ASAP1: variants seen among roughly 807,000 people sequenced by gnomAD.
ASAP1 encodes arf-GAP with SH3 domain, ANK repeat and PH domain-containing protein 1.
Under a neutral mutation model 145.2 loss-of-function variants are expected in ASAP1, and 43 were observed. That is an observed-to-expected ratio of 0.30 (90% CI 0.23 to 0.38). The LOEUF (loss-of-function observed/expected upper bound fraction) is 0.38. Ranked by LOEUF, ASAP1 falls within the 10% of genes least tolerant of loss-of-function variation. The probability of loss-of-function intolerance (pLI) is 1.00; values close to 1 mark genes in which losing one functional copy is unlikely to be tolerated. For missense variants in ASAP1, 1,018 were observed against 1,355.3 expected (o/e 0.75, Z 3.91); for synonymous variants, 546 against 515.5 (o/e 1.06, Z -0.80).
At chr8:130,119,903 TAACACAAAGGACATA>T (rs2097562832) in intron 18 of ASAP1, among the ~76,000 whole-genome samples, 1 of 152,196 alleles carries the variant, frequency 6.6e-6, no homozygotes, top group Non-Finnish European at 1.5e-5. Context: ...GAGAGGGCTC[TAACACAAAGGACATA>T]AACTTTCTTG....
intron 3 of ASAP1, among the ~76,000 whole-genome samples, chr8:130,283,612 A>G (rs991881348): frequency 5.6e-4 from 82 of 147,456 alleles, no homozygotes; most frequent in African/African-American, 1.7e-3. Flanking sequence ...AAAAAAAAAA[A>G]AAGAAGGCAG....
At chr8:130,277,261 C>G (rs1820969003) in intron 3 of ASAP1, among the ~76,000 whole-genome samples, 1 of 152,104 alleles carries the variant, frequency 6.6e-6, no homozygotes, top group Non-Finnish European at 1.5e-5. Context: ...TCCAGTCTGG[C>G]CATTCACCTA....
intron 3 of ASAP1, among the ~76,000 whole-genome samples, chr8:130,321,401 G>A (rs1354178669): frequency 6.6e-6 from 1 of 152,102 alleles, no homozygotes; most frequent in Non-Finnish European, 1.5e-5. Flanking sequence ...AAGCAGGCAT[G>A]TGAGGGTCAA....
chr8:130,313,755 T>G (rs1823498892), intron 3 of ASAP1, among the ~76,000 whole-genome samples: 1 of 152,220 alleles, frequency 6.6e-6, no homozygotes, highest in African/African-American at 2.4e-5. Context: ...ATGATCCACA[T>G]TCTGCATGAA....
intron 24 of ASAP1, among the ~76,000 whole-genome samples, chr8:130,107,043 C>CT (rs2097537957): frequency 6.6e-6 from 1 of 152,176 alleles, no homozygotes; most frequent in South Asian, 2.1e-4. Flanking sequence ...TTCATGCTCT[C>CT]TAAGCAAGGT....
chr8:130,065,911 C>A (rs994050956), intron 27 of ASAP1, among the ~76,000 whole-genome samples: 1 of 152,180 alleles, frequency 6.6e-6, no homozygotes, highest in Admixed American at 6.5e-5. Flanking sequence ...CTGTTTCGCA[C>A]AGAGATCAGC....
At position 130,166,263 on chromosome 8, in the gene ASAP1, C is replaced by T. The variant is rs191138043; in HGVS notation, c.909+1273G>A. 6.3e-3 allele frequency among the ~76,000 whole-genome samples: 952 copies of T among 152,244 alleles called. 9 individuals carry two copies. Among genetic ancestry groups the T allele is most frequent in the African/African-American group, 0.022 (922 of 41,544 alleles). On this transcript the variant is annotated intron_variant, in intron 11 of 29. Coordinates refer to ENST00000518721, the MANE Select transcript of ASAP1 (RefSeq NM_018482.4). ...GGCCCAAGTGATCCTCCCACCTTGGCCTCCCAAAATGTTTGGATTACAGGC... is the reference window on the plus strand; with the variant it reads ...GGCCCAAGTGATCCTCCCACCTTGGTCTCCCAAAATGTTTGGATTACAGGC...
Position 130,358,025 on chromosome 8 carries a change from G to C in ASAP1, c.178C>G (p.Leu60Val). The C allele has an allele frequency of 6.2e-7, 1 of 1,607,658 alleles. No individual in the cohort carries two copies. The highest frequency in any genetic ancestry group is 8.5e-7 in the Non-Finnish European group (1 of 1,178,164). Residue 60 changes from leucine (L) to valine (V), a missense_variant, in exon 3 of 30, where the codon CTG becomes GTG. By Grantham distance (32) the Leu-to-Val change is conservative. Around this residue, in one of 9 missense-constraint regions of ASAP1, gnomAD observed 106 missense variants for 134.5 expected, o/e 0.79. Transcript: ENST00000518721. This position sits in a 1 kb window ranked among gnomAD's most constrained non-coding sequence, Gnocchi z 4.1. ...GTCCCGGCCCGACCTACCTCCTCCA[G>C]CAGCGTGACGGTGTTCCTGCAGTTG... is the stretch of plus-strand genomic sequence containing the variant. ...LHNCRNTVTLLEEALDQDRTA... is the reference protein window; with the variant it reads ...LHNCRNTVTLVEEALDQDRTA...
chr8:130,205,382 G>GAA (rs771590453), intron 5 of ASAP1, among the ~76,000 whole-genome samples: 1,128 of 57,034 alleles, frequency 0.02, 25 homozygotes, highest in African/African-American at 0.064. Flanking sequence ...ATCCTTATAA[G>GAA]AAAAAAAAAA....
intron 3 of ASAP1, among the ~76,000 whole-genome samples, chr8:130,349,064 C>T (rs1315418085): frequency 6.6e-6 from 1 of 152,236 alleles, no homozygotes; most frequent in Non-Finnish European, 1.5e-5. Context: ...TAGAGCCCAT[C>T]AGGCTGGCCT....
chr8:130,074,440 A>AAC (rs57005471), intron 27 of ASAP1, among the ~76,000 whole-genome samples: 10,320 of 119,178 alleles, frequency 0.087, 464 homozygotes, highest in Non-Finnish European at 0.097. Flanking sequence ...CCAAATAGTA[A>AAC]ACACACACAC....
At chr8:130,215,745 A>G (rs1816862984) in intron 4 of ASAP1, among the ~76,000 whole-genome samples, 1 of 151,770 alleles carries the variant, frequency 6.6e-6, no homozygotes, top group African/African-American at 2.4e-5. Flanking sequence ...CTCTGTCTCA[A>G]AACAACAACA....
intron 3 of ASAP1, among the ~76,000 whole-genome samples, chr8:130,287,827 ACCCCTAGCCCTT>A (rs1821710429): frequency 6.6e-6 from 1 of 152,084 alleles, no homozygotes; most frequent in South Asian, 2.1e-4. Context: ...TCACCTCTAT[ACCCCTAGCCCTT>A]CCCACTCAGT....
chr8:130,377,433 G>A (rs751277744), intron 2 of ASAP1, among the ~76,000 whole-genome samples: 38 of 152,180 alleles, frequency 2.5e-4, no homozygotes, highest in Non-Finnish European at 4.7e-4. Context: ...TGCAGAAGGG[G>A]TGTTTTGTAC....
intron 24 of ASAP1, among the ~76,000 whole-genome samples, chr8:130,104,140 T>G (rs186261791): frequency 6.6e-6 from 1 of 152,222 alleles, no homozygotes; most frequent in Non-Finnish European, 1.5e-5. Context: ...GGGTACTCAG[T>G]ACACAACTGA....
Position 130,116,694 on chromosome 8 carries a change from G to A in ASAP1, c.2048C>T (p.Thr683Ile). The change falls in exon 22 of 30, where the codon ACC becomes ATC. Residue 683 changes from threonine to isoleucine, a missense_variant. Thr to Ile is a moderately conservative substitution (Grantham distance 89). Transcript: ENST00000518721. ...ALDIAKRLKA[T>I]QCEDLLSQAK... is the part of the protein sequence containing the mutation. ...TTTGCTTACCAGATCTTCACACTGGGTAGCTTTTAGTCTCTTTGCTATGTC... is the reference window on the plus strand; with the variant it reads ...TTTGCTTACCAGATCTTCACACTGGATAGCTTTTAGTCTCTTTGCTATGTC... The A allele has an allele frequency of 6.2e-7, 1 of 1,614,034 alleles. No homozygotes were observed. Among genetic ancestry groups the A allele is most frequent in the Non-Finnish European group, 8.5e-7 (1 of 1,179,954 alleles).
At chr8:130,067,402 C>CTGAT (rs1322156159) in intron 27 of ASAP1, among the ~76,000 whole-genome samples, 1 of 152,146 alleles carries the variant, frequency 6.6e-6, no homozygotes, top group Non-Finnish European at 1.5e-5. Flanking sequence ...CACTATTTTA[C>CTGAT]TGATTGATTG....
At chr8:130,381,551 A>C (rs990823625) in intron 2 of ASAP1, among the ~76,000 whole-genome samples, 2 of 152,162 alleles carry the variant, frequency 1.3e-5, no homozygotes, top group Non-Finnish European at 2.9e-5. Context: ...TGAGCACCAA[A>C]AGAGAATGGA....
intron 28 of ASAP1, among the ~76,000 whole-genome samples, chr8:130,059,367 T>C (rs978167847): frequency 1.1e-4 from 16 of 152,154 alleles, no homozygotes; most frequent in African/African-American, 3.9e-4. Context: ...TTTCTCTGTA[T>C]GTTGCCCAGG....
Sources: gnomAD v4.1 joint callset for allele counts (sites outside exome capture counted in the v4.1 genomes callset) on GRCh38, gnomAD v4.1.1 for gene constraint, gnomAD v4.1.1 regional missense constraint, Gnocchi (gnomAD v3.1) non-coding constraint, MANE v1.5 for transcripts, NCBI Gene and HGNC (gene_info 2026-07-23, HGNC 2026-07-21) for gene names.